Variants in EQTN observed in about 807,000 individuals in gnomAD.
EQTN encodes the protein Acrosome formation associated factor.
In EQTN, 29 loss-of-function variants were observed where a neutral mutation model predicts 26.9. That is an observed-to-expected ratio of 1.08 (90% CI 0.80 to 1.47). The LOEUF (loss-of-function observed/expected upper bound fraction) is 1.47, where lower values mean the gene tolerates loss of function less well. EQTN is among the 40% of genes most tolerant of loss of function. EQTN has a pLI of 0.00. For missense variants in EQTN, 391 were observed against 346.1 expected, an observed-to-expected ratio of 1.13 and a Z score of -1.03; for synonymous variants, 129 against 120.0, an observed-to-expected ratio of 1.07 and a Z score of -0.49.
At chr9:27,293,267 A>G (rs1467138200) in intron 3 of EQTN, among the ~76,000 whole-genome samples, 1 of 152,216 alleles carries the variant, frequency 6.6e-6, no homozygotes, top group Non-Finnish European at 1.5e-5. Flanking sequence ...TAGTGATTCA[A>G]GCAGAACTCG....
chr9:27,292,517 T>A, intron 3 of EQTN, 30 bp from the exon 4 acceptor site: 1 of 1,386,524 alleles, frequency 7.2e-7, no homozygotes, highest in South Asian at 1.2e-5. Context: ...ATTATCAGCA[T>A]GTAAAAATAC....
At chr9:27,291,298 C>T (rs1270098356) in intron 4 of EQTN, among the ~76,000 whole-genome samples, 2 of 152,160 alleles carry the variant, frequency 1.3e-5, no homozygotes, top group Non-Finnish European at 2.9e-5. Flanking sequence ...GCTTATGTAG[C>T]AGATTAATGA....
At position 27,293,615 on chromosome 9, in the gene EQTN, T is replaced by G. The variant is rs569731455; in HGVS notation, c.289+701A>C. Among the ~76,000 whole-genome samples, 6 of 152,332 alleles carry G rather than the reference T, an allele frequency of 3.9e-5. No homozygotes were observed. In the East Asian group the frequency reaches 1.2e-3, roughly 29 times the overall value. ...GCAGTCTCTTCCTTGGGTCCTGCAG[T>G]CTGTACTCAATAACTCATATCCTAA... On this transcript the variant is annotated intron_variant, in intron 3 of 7. Coordinates refer to ENST00000380032, the MANE Select transcript of EQTN (RefSeq NM_020641.3).
chr9:27,294,192 A>T, intron 3 of EQTN, 124 bp downstream of exon 3: 1 of 575,176 alleles, frequency 1.7e-6, no homozygotes, highest in Non-Finnish European at 3.0e-6. Context: ...AATCTACTTT[A>T]GAGGGAAAAT....
At chr9:27,292,553 T>A in intron 3 of EQTN, 66 bp from the exon 4 acceptor site, 1 of 914,114 alleles carries the variant, frequency 1.1e-6, no homozygotes, top group Non-Finnish European at 1.7e-6. Flanking sequence ...GAATAGATAT[T>A]TTTTAATATC....
At chr9:27,285,698 C>T (rs948206614) in intron 7 of EQTN, among the ~76,000 whole-genome samples, 1 of 152,104 alleles carries the variant, frequency 6.6e-6, no homozygotes, top group African/African-American at 2.4e-5. Context: ...GAACATTAAG[C>T]AATTCTGTTA....
rs1176282149 is a variant in EQTN at position 27,297,012 on chromosome 9, A to C, written c.44T>G (p.Leu15Ter). ...AGTAGGCTTCAAAGTGCTACTTTTT[A>C]AGGAAAAAACTCCAGGTATAAAAAT... Reference protein sequence around the residue: ...LFIFIPGVFSLKSSTLKPTIE... With the variant: ...LFIFIPGVFS Residue 15 changes from leucine to a stop codon, truncating the protein, a stop_gained, in exon 1 of 8, where the codon TTA becomes TGA. Coordinates refer to ENST00000380032, the MANE Select transcript of EQTN (RefSeq NM_020641.3). LOFTEE classifies it high-confidence loss of function. The C allele has an allele frequency of 1.9e-6, 3 of 1,611,484 alleles. No individual in the cohort carries two copies.
chr9:27,286,750 A>G (rs1014249372), intron 6 of EQTN, among the ~76,000 whole-genome samples: 4 of 152,176 alleles, frequency 2.6e-5, no homozygotes, highest in African/African-American at 9.7e-5. Context: ...ATTCAAAACG[A>G]TTGACTTACA....
intron 7 of EQTN, 60 bp downstream of exon 7, chr9:27,286,149 G>A: frequency 4.0e-6 from 6 of 1,510,774 alleles, no homozygotes; most frequent in South Asian, 1.2e-5. Flanking sequence ...CTAAAGAGAG[G>A]AGGGAGAGAA....
At chr9:27,294,472 T>C in intron 2 of EQTN, 70 bp from the exon 3 acceptor site, 4 of 906,876 alleles carry the variant, frequency 4.4e-6, no homozygotes, top group Non-Finnish European at 4.9e-6. Flanking sequence ...TTTCTTCCTC[T>C]GAGTTTTTTT....
At position 27,286,237 on chromosome 9, in the gene EQTN, C is replaced by A. The variant is rs1375036359; in HGVS notation, c.607G>T (p.Ala203Ser). The A allele has an allele frequency of 1.9e-6, 3 of 1,613,990 alleles. No individual in the cohort carries two copies. The highest frequency in any genetic ancestry group is 2.5e-6 in the Non-Finnish European group (3 of 1,179,978). ...LFVVLLAFCS[A>S]TLYKLRHLSY... Reference sequence around the variant, plus strand: ...AGATGCCTCAGTTTGTACAGTGTAGCACTACAGAATGCCAAGAGGACCACA... The same window carrying A: ...AGATGCCTCAGTTTGTACAGTGTAGAACTACAGAATGCCAAGAGGACCACA... Residue 203 changes from alanine (A) to serine (S), a missense_variant, in exon 7 of 8, where the codon GCT becomes TCT. By Grantham distance (99) the Ala-to-Ser change is moderately conservative. Transcript: ENST00000380032.
chr9:27,294,173 C>G, intron 3 of EQTN, 143 bp downstream of exon 3: 1 of 512,348 alleles, frequency 2.0e-6, no homozygotes. Flanking sequence ...AGCTGGATCC[C>G]AGTCACAGAA....
At chr9:27,292,805 G>C (rs1398838167) in intron 3 of EQTN, among the ~76,000 whole-genome samples, 1 of 152,196 alleles carries the variant, frequency 6.6e-6, no homozygotes, top group African/African-American at 2.4e-5. Context: ...ATTGGCTCCA[G>C]ATGGTTCCCT....
At chr9:27,288,344 G>C (rs1020505401) in intron 6 of EQTN, among the ~76,000 whole-genome samples, 5 of 152,092 alleles carry the variant, frequency 3.3e-5, no homozygotes, top group Non-Finnish European at 1.5e-5. Flanking sequence ...AGCTCACATT[G>C]ATTGCTGGTG....
chr9:27,294,694 A>G (rs996742518), intron 2 of EQTN, among the ~76,000 whole-genome samples: 1 of 152,180 alleles, frequency 6.6e-6, no homozygotes, highest in African/African-American at 2.4e-5. Flanking sequence ...GCTGAAGTAG[A>G]TTTGTAGATG....
rs1281882967 is a variant in EQTN, at chr9:27,286,202, G to A, written c.635+7C>T. 1.9e-6 allele frequency: 3 copies of A among 1,613,510 alleles called. No individual in the cohort carries two copies. Among genetic ancestry groups the A allele is most frequent in the African/African-American group, 1.3e-5 (1 of 75,046 alleles). On this transcript the variant is annotated splice_region_variant and intron_variant, in intron 7 of 7. Coordinates refer to ENST00000380032, the MANE Select transcript of EQTN (RefSeq NM_020641.3). ...GTTGTAAAGACTGCAGAGGTCTGCA[G>A]ACTTACCTCAGATGCCTCAGTTTGT...
chr9:27,285,356 A>T (rs1360787946), intron 7 of EQTN, among the ~76,000 whole-genome samples: 1 of 151,840 alleles, frequency 6.6e-6, no homozygotes, highest in Non-Finnish European at 1.5e-5. Context: ...GTTGGCCATG[A>T]TGGTCTTGAT....
intron 2 of EQTN, among the ~76,000 whole-genome samples, chr9:27,295,805 C>A (rs1481509091): frequency 8.2e-6 from 1 of 121,388 alleles, no homozygotes; most frequent in African/African-American, 3.3e-5. Context: ...GCACTCCAGC[C>A]TGGGCGACAG....
At chr9:27,294,693 G>T (rs1820302854) in intron 2 of EQTN, among the ~76,000 whole-genome samples, 1 of 152,132 alleles carries the variant, frequency 6.6e-6, no homozygotes, top group East Asian at 1.9e-4. Flanking sequence ...TGCTGAAGTA[G>T]ATTTGTAGAT....
Sources: allele counts gnomAD v4.1 joint callset (sites outside exome capture counted in the v4.1 genomes callset), GRCh38; gene constraint gnomAD v4.1.1; transcripts MANE v1.5; gene names NCBI Gene and HGNC (gene_info 2026-07-23, HGNC 2026-07-21).